The following RBMS3 variants were observed in gnomAD, a reference collection of about 807,000 sequenced individuals.
RBMS3 encodes RNA-binding motif, single-stranded-interacting protein 3.
RBMS3 carries 27 observed loss-of-function variants against 66.8 expected under a neutral mutation model. That is an observed-to-expected ratio of 0.40 (90% confidence interval 0.30 to 0.56). The LOEUF is 0.56. RBMS3 is among the 20% of genes least tolerant of loss of function. The pLI is 0.40. For synonymous variants in RBMS3, 188 were observed against 183.0 expected (o/e 1.03, Z -0.22); for missense variants, 513 against 549.5 (o/e 0.93, Z 0.66).
chr3:29,884,468 C>CTCTCTCT (rs2059818168), intron 8 of RBMS3, among the ~76,000 whole-genome samples: 3 of 81,676 alleles, frequency 3.7e-5, no homozygotes, highest in Non-Finnish European at 8.9e-5. Context: ...CTCTCTCTCT[C>CTCTCTCT]TCCCCCCCCG....
At chr3:29,987,535 A>T (rs1157306741) in intron 12 of RBMS3, among the ~76,000 whole-genome samples, 2 of 152,186 alleles carry the variant, frequency 1.3e-5, no homozygotes, top group African/African-American at 4.8e-5. Flanking sequence ...TAACACTGAT[A>T]TGAGAATGAA....
At chr3:29,974,087 A>G (rs1697398572) in intron 12 of RBMS3, among the ~76,000 whole-genome samples, 4 of 151,940 alleles carry the variant, frequency 2.6e-5, no homozygotes, top group Admixed American at 6.6e-5. Context: ...GGATATGGCT[A>G]GAGTAAAATG....
At chr3:29,619,209 C>T (rs1409988684) in intron 4 of RBMS3, among the ~76,000 whole-genome samples, 3 of 150,272 alleles carry the variant, frequency 2.0e-5, no homozygotes, top group Non-Finnish European at 4.4e-5. Context: ...GTGCAGCAAA[C>T]CACCATGGCA....
rs142052676 is a variant in RBMS3, at chr3:29,593,061, T to A, written c.399+5856T>A. ...GGAAAGCATTAGGATATATAGCTAA[T>A]GTAAATGACGAGTTAATGGGTGCAA... is the stretch of plus-strand genomic sequence containing the variant. On this transcript the variant is annotated intron_variant, in intron 4 of 14. Coordinates refer to ENST00000383767, the MANE Select transcript of RBMS3 (RefSeq NM_001003793.3). Among the ~76,000 whole-genome samples the A allele has an allele frequency of 7.8e-3, 1,188 of 151,504 alleles. 20 individuals carry two copies. The highest frequency in any genetic ancestry group is 0.028 in the African/African-American group (1,137 of 41,270).
At chr3:29,687,198 T>C (rs2051770999) in intron 4 of RBMS3, among the ~76,000 whole-genome samples, 1 of 152,218 alleles carries the variant, frequency 6.6e-6, no homozygotes, top group Non-Finnish European at 1.5e-5. Context: ...AGGACATGGC[T>C]ACAGATAATA....
At chr3:29,450,937 CA>C (rs778899949) in intron 2 of RBMS3, among the ~76,000 whole-genome samples, 11,657 of 143,776 alleles carry the variant, frequency 0.081, 502 homozygotes, top group East Asian at 0.16. Context: ...ACACACCCCC[CA>C]CACACACACA....
intron 4 of RBMS3, among the ~76,000 whole-genome samples, chr3:29,615,459 G>T (rs541614612): frequency 1.3e-5 from 2 of 148,460 alleles, no homozygotes; most frequent in East Asian, 3.9e-4. Context: ...GAAGGACTTG[G>T]ACTACAGTTA....
rs113675162 is a variant in RBMS3, at chr3:29,979,627, C to T, written c.1099-8516C>T. Among the ~76,000 whole-genome samples the T allele has an allele frequency of 2.4e-3, 373 of 152,252 alleles. 2 individuals carry two copies. Among genetic ancestry groups the T allele is most frequent in the African/African-American group, 8.7e-3 (360 of 41,564 alleles). ...ACAGGCTGCAGTGTGTGATGTTCCC[C>T]TCCCTGGGCTCATGTGTTCTCATTG... On this transcript the variant is annotated intron_variant, in intron 12 of 14. Transcript: ENST00000383767.
intron 1 of RBMS3, among the ~76,000 whole-genome samples, chr3:29,433,629 G>A (rs2041290167): frequency 1.3e-5 from 2 of 151,992 alleles, no homozygotes; most frequent in South Asian, 4.1e-4. Flanking sequence ...AGAGGTTAAG[G>A]CACCACTTAA....
In RBMS3 at chr3:29,957,573, A is replaced by G. The variant is rs139151849; in HGVS notation, c.1098+13319A>G. On this transcript the variant is annotated intron_variant, in intron 12 of 14. Coordinates refer to ENST00000383767, the MANE Select transcript of RBMS3 (RefSeq NM_001003793.3). The stretch of plus-strand genomic sequence containing the variant: ...TGTCAAAGGATTTGGAGACAGTAGA[A>G]TAATTGGAAAATGATGCTTATATGA... Among the ~76,000 whole-genome samples, 596 of 152,288 alleles carry G rather than the reference A, an allele frequency of 3.9e-3. 6 individuals are homozygous for G. The highest frequency in any genetic ancestry group is 0.014 in the African/African-American group (584 of 41,564).
chr3:29,973,153 G>T (rs1174139649), intron 12 of RBMS3, among the ~76,000 whole-genome samples: 2 of 151,942 alleles, frequency 1.3e-5, no homozygotes, highest in African/African-American at 4.8e-5. Context: ...ATTTAAGGAG[G>T]TCACCACTTT....
intron 7 of RBMS3, among the ~76,000 whole-genome samples, chr3:29,872,313 G>C (rs566220853): frequency 6.6e-6 from 1 of 152,154 alleles, no homozygotes; most frequent in African/African-American, 2.4e-5. Flanking sequence ...TTTGAGAAAA[G>C]TGGTGGACTT....
intron 12 of RBMS3, among the ~76,000 whole-genome samples, chr3:29,983,228 A>AC (rs1491450866): frequency 9.8e-5 from 11 of 112,428 alleles, no homozygotes; most frequent in African/African-American, 4.2e-4. Flanking sequence ...TAGGATTGCA[A>AC]CCCCCGCCCC....
rs551740275 is a variant in RBMS3, at chr3:29,998,504, G to C, written c.1308-5352G>C. Reference sequence around the variant, plus strand: ...CAAAGCTGGAGGCATCACGCTACCTGACTTCAAACTATACTACAAGGTTAC... The same window carrying C: ...CAAAGCTGGAGGCATCACGCTACCTCACTTCAAACTATACTACAAGGTTAC... On this transcript the variant is annotated intron_variant, in intron 14 of 14. Transcript: ENST00000383767. Among the ~76,000 whole-genome samples, 380 of 152,248 alleles carry C rather than the reference G, an allele frequency of 2.5e-3. 1 individual carries two copies. Among genetic ancestry groups the C allele is most frequent in the Non-Finnish European group, 4.1e-3 (277 of 68,016 alleles).
chr3:29,617,557 A>G (rs1198916156), intron 4 of RBMS3, among the ~76,000 whole-genome samples: 1 of 152,178 alleles, frequency 6.6e-6, no homozygotes, highest in Admixed American at 6.5e-5. Context: ...ATTAGCTCCA[A>G]TCTTGAAACT....
At chr3:29,902,854 C>G (rs889145221) in intron 10 of RBMS3, among the ~76,000 whole-genome samples, 2 of 151,858 alleles carry the variant, frequency 1.3e-5, no homozygotes, top group Non-Finnish European at 2.9e-5. Flanking sequence ...ACTTAAAGGG[C>G]TCTAATGTCT....
At chr3:29,682,739 A>G (rs1181017401) in intron 4 of RBMS3, among the ~76,000 whole-genome samples, 1 of 152,192 alleles carries the variant, frequency 6.6e-6, no homozygotes, top group African/African-American at 2.4e-5. Context: ...TGTCCTATTA[A>G]AACAGCTAAT....
chr3:29,445,424 A>C (rs960739668), intron 2 of RBMS3, among the ~76,000 whole-genome samples: 4 of 148,436 alleles, frequency 2.7e-5, no homozygotes, highest in African/African-American at 1.0e-4. Context: ...AAAAAAAAAA[A>C]CTGTTTATTT....
intron 4 of RBMS3, among the ~76,000 whole-genome samples, chr3:29,726,472 C>T (rs910721688): frequency 2.0e-5 from 3 of 152,176 alleles, no homozygotes; most frequent in East Asian, 1.9e-4. Flanking sequence ...ATTGTCTCAG[C>T]GCAAAAACTC....
Sources: allele counts gnomAD v4.1 joint callset (sites outside exome capture counted in the v4.1 genomes callset), GRCh38; gene constraint gnomAD v4.1.1; transcripts MANE v1.5; gene names NCBI Gene and HGNC (gene_info 2026-07-23, HGNC 2026-07-21).